ANKRD11: variants seen among roughly 807,000 people sequenced by gnomAD.
ANKRD11 encodes ankyrin repeat domain-containing protein 11.
In ANKRD11, 17 loss-of-function variants were observed where a neutral mutation model predicts 195.7. The observed-to-expected ratio is 0.09, with a 90% CI of 0.06 to 0.13. The LOEUF (loss-of-function observed/expected upper bound fraction) is 0.13. Ranked by LOEUF, ANKRD11 falls within the 10% of genes least tolerant of loss-of-function variation. The pLI is 1.00. For missense variants in ANKRD11, 3,735 were observed against 3,566.1 expected (o/e 1.05, Z -1.21); for synonymous variants, 1,953 against 1,528.1 (o/e 1.28, Z -6.49).
intron 2 of ANKRD11, among the ~76,000 whole-genome samples, chr16:89,385,313 G>C (rs1184945391): frequency 6.6e-6 from 1 of 151,882 alleles, no homozygotes; most frequent in African/African-American, 2.4e-5. Flanking sequence ...ATTTTTAGTA[G>C]AGACGCTGTT....
Position 89,268,580 on chromosome 16 carries a change from T to A in ANKRD11, c.7890A>T (p.Glu2630Asp). 1 of 1,545,054 alleles carries A rather than the reference T, an allele frequency of 6.5e-7. No homozygotes were observed. The highest frequency in any genetic ancestry group is 8.8e-7 in the Non-Finnish European group (1 of 1,142,488). The change falls in exon 13 of 13, where the codon GAA (glutamate) becomes GAT (aspartate). Residue 2630 changes from glutamate to aspartate, a missense_variant. Glu to Asp is a conservative substitution (Grantham distance 45). Transcript: ENST00000301030. ...QRMEWQLKVQ[E>D]LDPAGHKSLC... ...GGGACTTGTGCCCGGCGGGGTCCAG[T>A]TCCTGCACCTTCAGCTGCCACTCCA...
intron 2 of ANKRD11, among the ~76,000 whole-genome samples, chr16:89,364,990 T>C (rs80341045): frequency 0.027 from 4,116 of 152,302 alleles, 183 homozygotes; most frequent in African/African-American, 0.095. Flanking sequence ...GGAAATCACA[T>C]TCTAAGACGC....
rs767149122 is a variant in ANKRD11, at chr16:89,285,540, T to C, written c.1002A>G (p.Pro334=). The part of the protein sequence containing the change: ...EKGLKHKAKN[P]EPQKATAPVK... ...CGGGGGCCGTGGCCTTCTGTGGCTC[T>C]GGGTTCTTGGCCTTGTGCTTGAGGC... The change falls in exon 9 of 13, where the codon CCA becomes CCG. Residue 334 remains proline (P), a synonymous_variant. Coordinates refer to ENST00000301030, the MANE Select transcript of ANKRD11 (RefSeq NM_013275.6). This position sits in a 1 kb window ranked among gnomAD's most constrained non-coding sequence, Gnocchi z 5.6. The C allele has an allele frequency of 6.2e-6, 10 of 1,613,964 alleles. No individual in the cohort carries two copies. The highest frequency in any genetic ancestry group is 1.3e-5 in the African/African-American group (1 of 74,902).
intron 2 of ANKRD11, among the ~76,000 whole-genome samples, chr16:89,346,652 G>A (rs1219984978): frequency 1.3e-5 from 2 of 152,138 alleles, no homozygotes; most frequent in Non-Finnish European, 2.9e-5. Context: ...AGGGAGGAGG[G>A]AAACCAGAGT....
chr16:89,391,346 T>C (rs1189615446), intron 2 of ANKRD11, among the ~76,000 whole-genome samples: 1 of 149,480 alleles, frequency 6.7e-6, no homozygotes, highest in Non-Finnish European at 1.5e-5. Context: ...GGTGCTGGAG[T>C]GCTGGCAGTC....
intron 2 of ANKRD11, among the ~76,000 whole-genome samples, chr16:89,393,490 C>CTTT (rs5818715): frequency 5.1e-5 from 6 of 117,096 alleles, no homozygotes; most frequent in Non-Finnish European, 7.0e-5. Context: ...TATCCAGCTG[C>CTTT]TTTTTTTTTT....
chr16:89,350,860 G>A (rs2039180633), intron 2 of ANKRD11, among the ~76,000 whole-genome samples: 3 of 152,138 alleles, frequency 2.0e-5, no homozygotes. Context: ...TAATGGAGTG[G>A]AACGGGTCCC....
chr16:89,292,237 C>T (rs2035107200), intron 4 of ANKRD11, among the ~76,000 whole-genome samples: 1 of 152,200 alleles, frequency 6.6e-6, no homozygotes. Flanking sequence ...TTCCATTCAG[C>T]ACTCCCAAGA....
chr16:89,352,644 T>C (rs1452763324), intron 2 of ANKRD11, among the ~76,000 whole-genome samples: 1 of 152,192 alleles, frequency 6.6e-6, no homozygotes, highest in Non-Finnish European at 1.5e-5. Context: ...CTCTGTCCGC[T>C]CCACTCATCA....
chr16:89,405,718 C>A (rs778594578), intron 2 of ANKRD11, among the ~76,000 whole-genome samples: 4 of 152,048 alleles, frequency 2.6e-5, no homozygotes, highest in Non-Finnish European at 4.4e-5. Flanking sequence ...TGCACCAAAG[C>A]GTCCTCAAGG....
At chr16:89,423,420 C>T (rs1191738858) in intron 1 of ANKRD11, among the ~76,000 whole-genome samples, 1 of 152,248 alleles carries the variant, frequency 6.6e-6, no homozygotes, top group African/African-American at 2.4e-5. Flanking sequence ...CACAGAACGG[C>T]CCGCAGTGCA....
At chr16:89,289,341 T>A (rs763732297) in intron 6 of ANKRD11, among the ~76,000 whole-genome samples, 1 of 152,186 alleles carries the variant, frequency 6.6e-6, no homozygotes, top group South Asian at 2.1e-4. Flanking sequence ...ACCAGGGCAG[T>A]TGGAGAAATC....
chr16:89,406,215 T>C (rs1313131615), intron 2 of ANKRD11, among the ~76,000 whole-genome samples: 1 of 152,054 alleles, frequency 6.6e-6, no homozygotes, highest in Admixed American at 6.5e-5. Context: ...AGCAAGGGGT[T>C]TGGTGCTGTG....
intron 2 of ANKRD11, among the ~76,000 whole-genome samples, chr16:89,390,468 G>A (rs1039300017): frequency 2.1e-4 from 32 of 152,248 alleles, no homozygotes; most frequent in African/African-American, 7.7e-4. Context: ...GGAGGTGGAG[G>A]GCAGAAAAAA....
At position 89,313,195 on chromosome 16, in the gene ANKRD11, G is replaced by T. The variant is rs530370888; in HGVS notation, c.87+3738C>A. ...CCAAGTGAAGCTCAGGGGGCTGTGA[G>T]GCTGCCTGTGCTCTGAGTGGCGTGC... On this transcript the variant is annotated intron_variant, in intron 3 of 12. Transcript: ENST00000301030. 5.8e-5 allele frequency: 61 copies of T among 1,045,774 alleles called. No homozygotes were observed. The Middle Eastern group carries it at 3.3e-3, about 57-fold the overall frequency. 64.8% of individuals were successfully genotyped at this position (1,045,774 alleles called of 1,614,324 possible).
At chr16:89,402,811 A>G (rs2041752919) in intron 2 of ANKRD11, among the ~76,000 whole-genome samples, 1 of 50,642 alleles carries the variant, frequency 2.0e-5, no homozygotes, top group Admixed American at 2.8e-4. Flanking sequence ...GTTCTGCGGA[A>G]TGAGGTTGGG....
chr16:89,437,385 G>A (rs2043259100), intron 1 of ANKRD11, among the ~76,000 whole-genome samples: 1 of 152,182 alleles, frequency 6.6e-6, no homozygotes, highest in South Asian at 2.1e-4. Context: ...AACCAGTGCA[G>A]CAAACAGGCT....
chr16:89,286,427 T>C (rs1394547038), intron 7 of ANKRD11: 3 of 631,178 alleles, frequency 4.8e-6, no homozygotes, highest in Non-Finnish European at 8.0e-6. Flanking sequence ...GCACCCCTCC[T>C]GTGCTCTCCT....
chr16:89,387,190 T>C (rs1332129866), intron 2 of ANKRD11, among the ~76,000 whole-genome samples: 6 of 150,082 alleles, frequency 4.0e-5, no homozygotes. Flanking sequence ...AGGACACTGC[T>C]CAGCAAGGAA....
Sources: allele counts gnomAD v4.1 joint callset (sites outside exome capture counted in the v4.1 genomes callset), GRCh38; gene constraint gnomAD v4.1.1; non-coding constraint Gnocchi (gnomAD v3.1); transcripts MANE v1.5; gene names NCBI Gene and HGNC (gene_info 2026-07-23, HGNC 2026-07-21).